Variants in POGLUT1 observed in about 807,000 individuals in gnomAD.
The protein encoded by POGLUT1 is protein O-glucosyltransferase 1.
POGLUT1 carries 32 observed loss-of-function variants against 61.3 expected under a neutral mutation model. That is an observed-to-expected ratio of 0.52 (90% confidence interval 0.39 to 0.70). The LOEUF (loss-of-function observed/expected upper bound fraction) is 0.70. Ranked by LOEUF, POGLUT1 falls within the 30% of genes least tolerant of loss-of-function variation. POGLUT1 has a pLI of 0.00. For missense variants in POGLUT1, 411 were observed against 469.8 expected (o/e 0.87, Z 1.16); for synonymous variants, 158 against 158.2 (o/e 1.00, Z 0.01).
At chr3:119,490,310 G>T (rs905049838) in intron 8 of POGLUT1, 1 of 509,008 alleles carries the variant, frequency 2.0e-6, no homozygotes, top group Non-Finnish European at 3.6e-6. Context: ...GCTGTCTGGA[G>T]AAAATATCCC....
At chr3:119,479,797 C>T in intron 4 of POGLUT1, 1 of 690,586 alleles carries the variant, frequency 1.4e-6, no homozygotes, top group Non-Finnish European at 2.2e-6. Context: ...TCTAGAAAAA[C>T]AGAATTTGGG....
At chr3:119,469,530 A>G (rs2081442505) in intron 1 of POGLUT1, among the ~76,000 whole-genome samples, 1 of 152,180 alleles carries the variant, frequency 6.6e-6, no homozygotes, top group Admixed American at 6.5e-5. Context: ...GTTCAATTTG[A>G]TTAGTAGAAA....
At position 119,468,969 on chromosome 3, in the gene POGLUT1, G is replaced by A. The variant is rs776746439; in HGVS notation, c.-53G>A. On this transcript the variant is annotated 5_prime_UTR_variant, in exon 1 of 11. Coordinates refer to ENST00000295588, the MANE Select transcript of POGLUT1 (RefSeq NM_152305.3). ...CGGCTCCCGGGCCATCTTTGTGCGG[G>A]GCCGCGCTTCCGCCAGCGCCGCAGC... 26 of 1,491,228 alleles carry A rather than the reference G, an allele frequency of 1.7e-5. No homozygotes were observed. Among genetic ancestry groups the A allele is most frequent in the Non-Finnish European group, 1.9e-5 (21 of 1,093,154 alleles). The allele number at this position is 1,491,228 out of a possible 1,614,324, so 92.4% of individuals were successfully genotyped here.
chr3:119,470,513 T>C (rs180783054), intron 2 of POGLUT1, among the ~76,000 whole-genome samples: 30 of 152,240 alleles, frequency 2.0e-4, no homozygotes, highest in Non-Finnish European at 3.4e-4. Flanking sequence ...GAAGCAGAGG[T>C]TGCATTGAAT....
chr3:119,491,768 A>G (rs2081748951), intron 10 of POGLUT1, among the ~76,000 whole-genome samples, 194 bp downstream of exon 10: 2 of 152,212 alleles, frequency 1.3e-5, no homozygotes, highest in South Asian at 2.1e-4. Flanking sequence ...TAAAGGAAAA[A>G]GATGGGCCGG....
At chr3:119,491,659 C>A (rs557181803) in intron 10 of POGLUT1, 85 bp downstream of exon 10, 10 of 657,030 alleles carry the variant, frequency 1.5e-5, no homozygotes, top group Admixed American at 5.6e-5. Context: ...ATATTGTTAT[C>A]ATGGTGACAT....
At chr3:119,469,351 G>T in intron 1 of POGLUT1, 1 of 582,398 alleles carries the variant, frequency 1.7e-6, no homozygotes, top group South Asian at 2.0e-5. Flanking sequence ...GGAATTCCCC[G>T]TTCACCCGCA....
chr3:119,475,727 C>T (rs2107707292), intron 3 of POGLUT1, among the ~76,000 whole-genome samples: 1 of 151,484 alleles, frequency 6.6e-6, no homozygotes, highest in Admixed American at 6.6e-5. Flanking sequence ...GCAGGAGAAT[C>T]ACTTGAAACC....
At chr3:119,473,359 A>T (rs1487383827) in intron 3 of POGLUT1, among the ~76,000 whole-genome samples, 1 of 152,132 alleles carries the variant, frequency 6.6e-6, no homozygotes, top group Non-Finnish European at 1.5e-5. Flanking sequence ...AAATGCTTTC[A>T]AAGTTTCTGA....
rs770652887 is a variant in POGLUT1, at chr3:119,469,776, T to C, written c.86-44T>C. Reference sequence around the variant, plus strand: ...GTTGGTGTGGTGTCAGCAAATAACATTCAGGAAAATTTTTTTAACTCTCAT... The same window carrying C: ...GTTGGTGTGGTGTCAGCAAATAACACTCAGGAAAATTTTTTTAACTCTCAT... On this transcript the variant is annotated intron_variant, in intron 1 of 10. Coordinates refer to ENST00000295588, the MANE Select transcript of POGLUT1 (RefSeq NM_152305.3). 5.8e-6 allele frequency: 6 copies of C among 1,031,232 alleles called. No individual in the cohort carries two copies. In the South Asian group the frequency reaches 6.5e-5, roughly 11 times the overall value. The allele number at this position is 1,031,232 out of a possible 1,614,324, so 63.9% of individuals were successfully genotyped here. A position where few individuals can be genotyped will look rare whatever the true frequency, so the allele number is the denominator to read the frequency against.
At chr3:119,471,983 A>T (rs1016982900) in intron 3 of POGLUT1, among the ~76,000 whole-genome samples, 3 of 152,146 alleles carry the variant, frequency 2.0e-5, no homozygotes, top group Non-Finnish European at 4.4e-5. Flanking sequence ...AATACAACAG[A>T]GTGAGACCCT....
intron 7 of POGLUT1, chr3:119,488,234 C>T (rs1474618853): frequency 6.6e-6 from 1 of 152,126 alleles, no homozygotes; most frequent in Admixed American, 6.5e-5. Flanking sequence ...CTGTGGGAGG[C>T]TGCAGAAGCA....
intron 3 of POGLUT1, among the ~76,000 whole-genome samples, chr3:119,472,253 GA>G (rs1194996932): frequency 6.6e-6 from 1 of 151,490 alleles, no homozygotes; most frequent in Non-Finnish European, 1.5e-5. Flanking sequence ...ACAAAACTCA[GA>G]GGGCATAATA....
intron 4 of POGLUT1, 34 bp downstream of exon 4, chr3:119,477,482 G>T: frequency 6.2e-7 from 1 of 1,605,874 alleles, no homozygotes; most frequent in Non-Finnish European, 8.5e-7. Context: ...GGTGGATGGA[G>T]AGTGGTCCTC....
At chr3:119,479,412 T>G (rs2081581237) in intron 4 of POGLUT1, among the ~76,000 whole-genome samples, 1 of 152,252 alleles carries the variant, frequency 6.6e-6, no homozygotes, top group Admixed American at 6.5e-5. Context: ...GCTACTGTTC[T>G]AAGAATTTTA....
intron 5 of POGLUT1, among the ~76,000 whole-genome samples, chr3:119,481,724 G>T (rs895867797): frequency 6.6e-5 from 10 of 152,294 alleles, no homozygotes; most frequent in African/African-American, 2.4e-4. Context: ...AGGGAATGAA[G>T]GTACAGAAAG....
At chr3:119,474,326 C>A (rs2081511044) in intron 3 of POGLUT1, among the ~76,000 whole-genome samples, 1 of 152,082 alleles carries the variant, frequency 6.6e-6, no homozygotes, top group South Asian at 2.1e-4. Context: ...CTACAGTGTA[C>A]ACTGATAAGT....
intron 8 of POGLUT1, chr3:119,490,307 G>A: frequency 2.0e-6 from 1 of 502,986 alleles, no homozygotes; most frequent in Non-Finnish European, 3.6e-6. Context: ...AGTGCTGTCT[G>A]GAGAAAATAT....
At chr3:119,488,637 T>C (rs1404300957) in intron 7 of POGLUT1, 1 of 229,780 alleles carries the variant, frequency 4.4e-6, no homozygotes, top group Non-Finnish European at 8.7e-6. Context: ...GGCTGTGACA[T>C]CTGAATTCAA....
Sources: allele counts gnomAD v4.1 joint callset (sites outside exome capture counted in the v4.1 genomes callset), GRCh38; gene constraint gnomAD v4.1.1; transcripts MANE v1.5; gene names NCBI Gene and HGNC (gene_info 2026-07-23, HGNC 2026-07-21).